RBFOX1: variants seen among roughly 807,000 people sequenced by gnomAD.
RBFOX1 encodes the protein RNA binding protein fox-1 homolog 1.
Under a neutral mutation model 57.7 loss-of-function variants are expected in RBFOX1, and 8 were observed. That is an observed-to-expected ratio of 0.14 (90% CI 0.08 to 0.25). The LOEUF is 0.25. RBFOX1 is among the 10% of genes least tolerant of loss of function. The pLI is 1.00. For missense variants in RBFOX1, 611 were observed against 548.5 expected, an observed-to-expected ratio of 1.11 and a Z score of -1.14; for synonymous variants, 326 against 222.4, an observed-to-expected ratio of 1.47 and a Z score of -4.15.
intron 3 of RBFOX1, among the ~76,000 whole-genome samples, chr16:6,838,922 T>C (rs777195396): frequency 8.9e-4 from 136 of 151,956 alleles, no homozygotes; most frequent in Middle Eastern, 3.4e-3. Context: ...TTCAAGACTG[T>C]GCACTGGTTT....
At chr16:7,459,478 A>G (rs1457632049) in intron 4 of RBFOX1, among the ~76,000 whole-genome samples, 1 of 152,230 alleles carries the variant, frequency 6.6e-6, no homozygotes, top group Non-Finnish European at 1.5e-5. Context: ...AGACATAAAA[A>G]CAAAGCCACA....
intron 3 of RBFOX1, among the ~76,000 whole-genome samples, chr16:5,708,941 A>C (rs1187821527): frequency 1.3e-5 from 2 of 152,214 alleles, no homozygotes; most frequent in Non-Finnish European, 2.9e-5. Context: ...GAAAACAAGA[A>C]CAAGAAAGAG....
intron 10 of RBFOX1, among the ~76,000 whole-genome samples, chr16:7,610,206 G>A (rs767383138): frequency 6.8e-5 from 9 of 133,240 alleles, no homozygotes; most frequent in South Asian, 2.5e-4. Context: ...TGCAACCTCC[G>A]CCTCCCGGGT....
chr16:5,555,850 C>G (rs2045651859), intron 2 of RBFOX1, among the ~76,000 whole-genome samples: 2 of 151,842 alleles, frequency 1.3e-5, no homozygotes, highest in Non-Finnish European at 2.9e-5. Context: ...GGGAAAACCC[C>G]ATATCTACTA....
rs1460560941 is a variant in RBFOX1 at position 6,095,596 on chromosome 16, TG to T, written c.-127+75605del. 3.3e-5 allele frequency among the ~76,000 whole-genome samples: 5 copies of T among 152,260 alleles called. No homozygotes were observed. The East Asian group carries it at 9.7e-4, about 29-fold the overall frequency. On this transcript the variant is annotated intron_variant, in intron 1 of 15. Transcript: ENST00000550418. Reference sequence around the variant, plus strand: ...GGAAGGCAGACGCCTCTAACAAGTTTGAACCTGATAAAGCCTCTGCCTGTGC... The same window carrying T: ...GGAAGGCAGACGCCTCTAACAAGTTTAACCTGATAAAGCCTCTGCCTGTGC...
At chr16:6,568,122 A>C (rs760837708) in intron 2 of RBFOX1, among the ~76,000 whole-genome samples, 1 of 152,176 alleles carries the variant, frequency 6.6e-6, no homozygotes, top group Non-Finnish European at 1.5e-5. Flanking sequence ...TTAGTTATCT[A>C]ATACCATGTA....
At chr16:6,160,581 C>T (rs1192720115) in intron 1 of RBFOX1, among the ~76,000 whole-genome samples, 1 of 152,146 alleles carries the variant, frequency 6.6e-6, no homozygotes, top group East Asian at 1.9e-4. Flanking sequence ...CTCCATCCAG[C>T]CCGAGTCATG....
chr16:6,687,556 T>C (rs549584924), intron 3 of RBFOX1, among the ~76,000 whole-genome samples: 59 of 152,360 alleles, frequency 3.9e-4, no homozygotes, highest in Non-Finnish European at 7.8e-4. Flanking sequence ...CTTGGTGTTT[T>C]ATCACTTGCA....
rs1485677134 is a variant in RBFOX1 at position 5,301,623 on chromosome 16, A to AAAG, written c.219+61520_219+61521insGAA. On this transcript the variant is annotated intron_variant, in intron 1 of 2. Coordinates refer to the RBFOX1 transcript ENST00000585867. ...GACACAGCAAGTCTCCATCTCAAAA[A>AAAG]AAAAAAAAAAAAAAACACACAAAAA... 3.4e-3 allele frequency among the ~76,000 whole-genome samples: 507 copies of AAAG among 149,698 alleles called. 1 individual carries two copies. The highest frequency in any genetic ancestry group is 0.012 in the African/African-American group (489 of 40,254).
chr16:7,309,282 G>A (rs980875405), intron 4 of RBFOX1, among the ~76,000 whole-genome samples: 1 of 152,204 alleles, frequency 6.6e-6, no homozygotes, highest in Admixed American at 6.5e-5. Flanking sequence ...GTGAGCTGGG[G>A]GTCATCTGTG....
intron 3 of RBFOX1, among the ~76,000 whole-genome samples, chr16:6,796,302 G>C (rs2084028152): frequency 6.6e-6 from 1 of 152,034 alleles, no homozygotes; most frequent in Non-Finnish European, 1.5e-5. Context: ...CATGACACTT[G>C]GGAATTGTGG....
chr16:5,450,211 C>T (rs1182525889), intron 1 of RBFOX1, among the ~76,000 whole-genome samples: 1 of 152,324 alleles, frequency 6.6e-6, no homozygotes, highest in Admixed American at 6.5e-5. Context: ...GGCATTGCAC[C>T]TTCAATTCTG....
chr16:5,621,737 C>A (rs956053849), intron 3 of RBFOX1, among the ~76,000 whole-genome samples: 1 of 152,140 alleles, frequency 6.6e-6, no homozygotes, highest in Non-Finnish European at 1.5e-5. Flanking sequence ...TTGCCCCACC[C>A]TTATTAAGAA....
chr16:7,371,819 A>G (rs1200263611), intron 4 of RBFOX1, among the ~76,000 whole-genome samples: 1 of 152,222 alleles, frequency 6.6e-6, no homozygotes, highest in Non-Finnish European at 1.5e-5. Context: ...TTGTTTTCAC[A>G]TACTGACAAA....
chr16:7,310,916 C>A (rs1428024405), intron 4 of RBFOX1, among the ~76,000 whole-genome samples: 1 of 152,308 alleles, frequency 6.6e-6, no homozygotes, highest in South Asian at 2.1e-4. Flanking sequence ...ATCTCTTTGC[C>A]ATCTTGTGAA....
At chr16:5,342,693 T>C (rs1037301513) in intron 1 of RBFOX1, among the ~76,000 whole-genome samples, 2 of 152,164 alleles carry the variant, frequency 1.3e-5, no homozygotes, top group African/African-American at 4.8e-5. Flanking sequence ...GAAGGAAGCC[T>C]TGAGCAGTCT....
chr16:6,824,139 T>G (rs1252576504), intron 3 of RBFOX1, among the ~76,000 whole-genome samples: 1 of 152,232 alleles, frequency 6.6e-6, no homozygotes, highest in Non-Finnish European at 1.5e-5. Flanking sequence ...GCGCTGTTGC[T>G]GGCGCCTGTA....
intron 5 of RBFOX1, among the ~76,000 whole-genome samples, chr16:7,579,395 G>A (rs2093579786): frequency 1.3e-5 from 2 of 152,074 alleles, no homozygotes; most frequent in African/African-American, 4.8e-5. Flanking sequence ...TTCTTGATGA[G>A]GTTCTCGCTC....
chr16:6,773,898 A>C, intron 3 of RBFOX1: 1 of 948,824 alleles, frequency 1.1e-6, no homozygotes, highest in Non-Finnish European at 1.3e-6. Context: ...TTGTGTGGGC[A>C]TGGAGTGCAT....
Sources: gnomAD v4.1 joint callset for allele counts (sites outside exome capture counted in the v4.1 genomes callset) on GRCh38, gnomAD v4.1.1 for gene constraint, MANE v1.5 for transcripts, NCBI Gene and HGNC (gene_info 2026-07-23, HGNC 2026-07-21) for gene names.